LRRC4C: variants seen among roughly 807,000 people sequenced by gnomAD.
The protein encoded by LRRC4C is leucine-rich repeat-containing protein 4C.
A neutral mutation model predicts 33.6 loss-of-function variants in LRRC4C; 5 were observed. The observed-to-expected ratio is 0.15, with a 90% CI of 0.08 to 0.31. The LOEUF (loss-of-function observed/expected upper bound fraction) is 0.31, where lower values mean the gene tolerates loss of function less well. Among genes scored for constraint, LRRC4C ranks in the 10% least tolerant of loss-of-function variants. The probability of loss-of-function intolerance (pLI) is 1.00; values close to 1 mark genes in which losing one functional copy is unlikely to be tolerated. For missense variants in LRRC4C, 560 were observed against 796.7 expected, an observed-to-expected ratio of 0.70 and a Z score of 3.58; for synonymous variants, 329 against 302.0, an observed-to-expected ratio of 1.09 and a Z score of -0.93.
At chr11:40,846,406 G>A (rs1953175168) in intron 2 of LRRC4C, among the ~76,000 whole-genome samples, 2 of 152,130 alleles carry the variant, frequency 1.3e-5, no homozygotes, top group Non-Finnish European at 2.9e-5. Context: ...TGGCTAGCAA[G>A]TTTTTCCAAC....
chr11:41,368,578 G>A (rs1156713762), intron 1 of LRRC4C, among the ~76,000 whole-genome samples: 5 of 152,156 alleles, frequency 3.3e-5, no homozygotes, highest in Non-Finnish European at 7.3e-5. Context: ...TTTAGCTGAG[G>A]TTCTGAATGC....
intron 2 of LRRC4C, among the ~76,000 whole-genome samples, chr11:40,917,262 T>C (rs560675580): frequency 2.6e-5 from 4 of 152,306 alleles, no homozygotes; most frequent in East Asian, 1.9e-4. Flanking sequence ...GGTAGAAATA[T>C]GCATTTGTGA....
intron 1 of LRRC4C, among the ~76,000 whole-genome samples, chr11:41,261,921 G>A (rs1948993462): frequency 3.9e-5 from 6 of 152,032 alleles, no homozygotes. Flanking sequence ...AAATAAAAGT[G>A]TGCATGTCCA....
At chr11:40,222,722 G>A (rs1056953984) in intron 5 of LRRC4C, among the ~76,000 whole-genome samples, 3 of 152,168 alleles carry the variant, frequency 2.0e-5, no homozygotes, top group African/African-American at 7.2e-5. Flanking sequence ...AATTTTAGGT[G>A]ACAAAATGAG....
In LRRC4C at chr11:41,410,421, T is replaced by C. The variant is rs1010644634; in HGVS notation, c.-496+49010A>G. ...GAGAAAGTTTTTTTTTTTTTCTTTT[T>C]TTTTTTTCGAGACGTTGTTTCGCTC... On this transcript the variant is annotated intron_variant, in intron 1 of 6. Coordinates refer to ENST00000528697, the MANE Select transcript of LRRC4C (RefSeq NM_001258419.2). 4.6e-5 allele frequency among the ~76,000 whole-genome samples: 7 copies of C among 151,498 alleles called. No homozygotes were observed. In the East Asian group the frequency reaches 7.8e-4, roughly 17 times the overall value.
chr11:41,176,443 T>C (rs1945202045), intron 1 of LRRC4C, among the ~76,000 whole-genome samples: 1 of 152,162 alleles, frequency 6.6e-6, no homozygotes, highest in South Asian at 2.1e-4. Context: ...TGGTTTATCA[T>C]AGTGTTCATT....
At chr11:40,938,371 G>A (rs1474273988) in intron 1 of LRRC4C, among the ~76,000 whole-genome samples, 3 of 152,112 alleles carry the variant, frequency 2.0e-5, no homozygotes, top group African/African-American at 7.2e-5. Context: ...ACTTGATAAT[G>A]TACTGAGGAA....
At chr11:41,335,658 C>T (rs1404154877) in intron 1 of LRRC4C, among the ~76,000 whole-genome samples, 1 of 152,164 alleles carries the variant, frequency 6.6e-6, no homozygotes, top group South Asian at 2.1e-4. Context: ...ATGTCCAGCA[C>T]CTGCACCAAT....
chr11:41,022,839 A>C (rs1856078378), intron 1 of LRRC4C, among the ~76,000 whole-genome samples: 1 of 152,020 alleles, frequency 6.6e-6, no homozygotes, highest in Non-Finnish European at 1.5e-5. Flanking sequence ...GAAGCTATAA[A>C]TGCCTCAAAA....
chr11:41,278,502 G>A (rs1949552964), intron 1 of LRRC4C, among the ~76,000 whole-genome samples: 1 of 152,180 alleles, frequency 6.6e-6, no homozygotes, highest in African/African-American at 2.4e-5. Context: ...ACAAATTCAT[G>A]TCAATTTAAA....
At chr11:40,724,323 C>A (rs962491851) in intron 2 of LRRC4C, among the ~76,000 whole-genome samples, 1 of 152,116 alleles carries the variant, frequency 6.6e-6, no homozygotes, top group Admixed American at 6.6e-5. Flanking sequence ...CTTTAGCACA[C>A]AGAACATACT....
chr11:41,029,725 C>A (rs2137800264), intron 1 of LRRC4C, among the ~76,000 whole-genome samples: 1 of 151,870 alleles, frequency 6.6e-6, no homozygotes, highest in Non-Finnish European at 1.5e-5. Flanking sequence ...CACTTGATCT[C>A]TGCATGTAAG....
chr11:40,530,214 G>T (rs1956218808), intron 3 of LRRC4C, among the ~76,000 whole-genome samples: 1 of 151,900 alleles, frequency 6.6e-6, no homozygotes, highest in African/African-American at 2.4e-5. Flanking sequence ...CTAAAATTAT[G>T]ATTTTAATAA....
At chr11:41,247,534 G>A (rs1948493540) in intron 1 of LRRC4C, among the ~76,000 whole-genome samples, 2 of 152,148 alleles carry the variant, frequency 1.3e-5, no homozygotes, top group Admixed American at 6.5e-5. Context: ...AAAATAAGTG[G>A]TTCTAAGACT....
At chr11:40,779,855 C>A (rs867321896) in intron 2 of LRRC4C, among the ~76,000 whole-genome samples, 4 of 152,196 alleles carry the variant, frequency 2.6e-5, no homozygotes, top group Middle Eastern at 3.4e-3. Flanking sequence ...TGTGGATGAC[C>A]ATTGGCTAAC....
rs138603024 is a variant in LRRC4C at position 41,259,914 on chromosome 11, C to G, written c.-496+199517G>C. 1.2e-3 allele frequency among the ~76,000 whole-genome samples: 181 copies of G among 151,970 alleles called. 1 individual carries two copies. Among genetic ancestry groups the G allele is most frequent in the Non-Finnish European group, 2.0e-3 (135 of 67,912 alleles). ...CCAATAGACCTTTATGAGTCCAATT[C>G]CCTGCGTTCTGTTAATATGCCATTT... On this transcript the variant is annotated intron_variant, in intron 1 of 6. Transcript: ENST00000528697.
chr11:40,793,436 A>G (rs1020347011), intron 2 of LRRC4C, among the ~76,000 whole-genome samples: 1 of 152,214 alleles, frequency 6.6e-6, no homozygotes, highest in Non-Finnish European at 1.5e-5. Context: ...TTTCAAATCC[A>G]TTAATTATAT....
chr11:40,987,353 G>A (rs1000402426), intron 1 of LRRC4C, among the ~76,000 whole-genome samples: 3 of 152,120 alleles, frequency 2.0e-5, no homozygotes, highest in African/African-American at 7.2e-5. Context: ...TGAGAAAACA[G>A]AAACTGAGAG....
chr11:40,319,357 G>T (rs1301808273), intron 4 of LRRC4C, among the ~76,000 whole-genome samples: 1 of 152,160 alleles, frequency 6.6e-6, no homozygotes, highest in East Asian at 1.9e-4. Flanking sequence ...CACAGGGCAG[G>T]CTGCCATGTT....
Sources: gnomAD v4.1 joint callset for allele counts (sites outside exome capture counted in the v4.1 genomes callset) on GRCh38, gnomAD v4.1.1 for gene constraint, MANE v1.5 for transcripts, NCBI Gene and HGNC (gene_info 2026-07-23, HGNC 2026-07-21) for gene names.